MTCL2: variants seen among roughly 807,000 people sequenced by gnomAD.
MTCL2 encodes microtubule crosslinking factor 2.
At chr20:36,803,716 G>A in the MTCL2 span, among the ~76,000 whole-genome samples, 2 of 151,998 alleles carry the variant, frequency 1.3e-5, no homozygotes. Flanking sequence ...AGCGCTTTGG[G>A]AGGCTGAGGC....
At chr20:36,812,917 C>T in the MTCL2 span, 3 of 1,521,670 alleles carry the variant, frequency 2.0e-6, no homozygotes, top group Non-Finnish European at 2.6e-6. Flanking sequence ...CCAGAAACAC[C>T]CACCCCAGGC....
the MTCL2 span, among the ~76,000 whole-genome samples, chr20:36,803,694 G>A: frequency 5.3e-5 from 8 of 152,008 alleles, no homozygotes; most frequent in African/African-American, 1.7e-4. Flanking sequence ...GGTGGCTCAC[G>A]CCAGTACTCC....
At chr20:36,794,141 T>C in the MTCL2 span, 26 of 1,551,338 alleles carry the variant, frequency 1.7e-5, no homozygotes, top group East Asian at 6.4e-4. This position sits in a 1 kb window ranked among gnomAD's most constrained non-coding sequence, Gnocchi z 5.4. Flanking sequence ...TGAGCCTCCG[T>C]CCAGGCGCTG....
At chr20:36,805,144 T>C in the MTCL2 span, among the ~76,000 whole-genome samples, 1 of 152,164 alleles carries the variant, frequency 6.6e-6, no homozygotes, top group Non-Finnish European at 1.5e-5. Flanking sequence ...ACAGTAATAA[T>C]TATTCAGCCT....
the MTCL2 span, among the ~76,000 whole-genome samples, chr20:36,842,915 CCTGGAGAGGGCAGAT>C: frequency 6.6e-6 from 1 of 152,140 alleles, no homozygotes; most frequent in Non-Finnish European, 1.5e-5. Context: ...CTCTGTGGGC[CCTGGAGAGGGCAGAT>C]CTGGAGAGCC....
At chr20:36,857,559 G>C in the MTCL2 span, among the ~76,000 whole-genome samples, 1 of 152,128 alleles carries the variant, frequency 6.6e-6, no homozygotes, top group Non-Finnish European at 1.5e-5. Context: ...GTATGCCCAG[G>C]GACACAGGCT....
chr20:36,804,662 C>G, the MTCL2 span: 1 of 1,567,500 alleles, frequency 6.4e-7, no homozygotes, highest in Non-Finnish European at 8.7e-7. Flanking sequence ...CCTTGGTATT[C>G]TACTCCCAGA....
the MTCL2 span, among the ~76,000 whole-genome samples, chr20:36,824,891 C>T: frequency 6.6e-6 from 1 of 151,670 alleles, no homozygotes; most frequent in African/African-American, 2.4e-5. Flanking sequence ...TGGGCTCAAG[C>T]AATCCTGCTG....
chr20:36,798,027 C>T, the MTCL2 span, among the ~76,000 whole-genome samples: 4 of 152,236 alleles, frequency 2.6e-5, no homozygotes, highest in African/African-American at 9.6e-5. Context: ...CCATCACTTC[C>T]AGGTGGCTTG....
chr20:36,815,842 C>G, the MTCL2 span: 2 of 1,599,128 alleles, frequency 1.3e-6, no homozygotes, highest in Non-Finnish European at 1.7e-6. This position sits in a 1 kb window ranked among gnomAD's most constrained non-coding sequence, Gnocchi z 5.3. Context: ...TTCTGGTCCT[C>G]GAGCTCGGCA....
At chr20:36,803,466 G>C in the MTCL2 span, among the ~76,000 whole-genome samples, 12 of 151,964 alleles carry the variant, frequency 7.9e-5, no homozygotes, top group African/African-American at 2.9e-4. Context: ...TAGACTCAAT[G>C]CCCCCCATTA....
chr20:36,777,756 G>A, the MTCL2 span: 7 of 589,050 alleles, frequency 1.2e-5, no homozygotes, highest in Non-Finnish European at 2.1e-5. Context: ...AGGAAACCAG[G>A]CTGAGTGGGA....
chr20:36,839,274 G>T, the MTCL2 span: 2 of 1,611,038 alleles, frequency 1.2e-6, no homozygotes, highest in Non-Finnish European at 8.5e-7. This position sits in a 1 kb window ranked among gnomAD's most constrained non-coding sequence, Gnocchi z 5.1. Context: ...CGGTCTGGGC[G>T]GCACGGAGAC....
At chr20:36,802,937 C>A in the MTCL2 span, 1 of 1,576,342 alleles carries the variant, frequency 6.3e-7, no homozygotes, top group Non-Finnish European at 8.6e-7. Flanking sequence ...CCAGCTGCAG[C>A]TTTTCCTGGC....
the MTCL2 span, chr20:36,784,977 T>C: frequency 2.0e-6 from 2 of 985,350 alleles, no homozygotes; most frequent in South Asian, 9.4e-5. Context: ...TAATCCACGT[T>C]CGACTCATGA....
At chr20:36,862,839 G>T in the MTCL2 span, 4 of 1,286,102 alleles carry the variant, frequency 3.1e-6, no homozygotes, top group Non-Finnish European at 3.9e-6. Flanking sequence ...CGGCCGCGGG[G>T]GCTGCTGCGC....
the MTCL2 span, chr20:36,808,527 C>A: frequency 6.3e-7 from 1 of 1,597,804 alleles, no homozygotes; most frequent in South Asian, 1.1e-5. Context: ...AGGAAGTCAT[C>A]CCCTTCGCTG....
At chr20:36,861,253 C>T in the MTCL2 span, among the ~76,000 whole-genome samples, 2 of 152,196 alleles carry the variant, frequency 1.3e-5, no homozygotes, top group African/African-American at 4.8e-5. Flanking sequence ...CTTGCCCTCT[C>T]CTTACCACCG....
At chr20:36,827,197 C>T in the MTCL2 span, among the ~76,000 whole-genome samples, 9 of 151,312 alleles carry the variant, frequency 5.9e-5, no homozygotes, top group Non-Finnish European at 1.2e-4. Flanking sequence ...TACAGGTGCC[C>T]GCCACCACAC....
Sources: allele counts gnomAD v4.1 joint callset (sites outside exome capture counted in the v4.1 genomes callset), GRCh38; gene constraint gnomAD v4.1.1; non-coding constraint Gnocchi (gnomAD v3.1); transcripts MANE v1.5; gene names NCBI Gene and HGNC (gene_info 2026-07-23, HGNC 2026-07-21).